MGST1: variants seen among roughly 807,000 people sequenced by gnomAD.
The protein encoded by MGST1 is microsomal glutathione S-transferase 1.
MGST1 carries 5 observed loss-of-function variants against 8.9 expected under a neutral mutation model. The ratio of observed to expected loss-of-function variants is 0.56; its 90% CI spans 0.29 to 1.19. The LOEUF (loss-of-function observed/expected upper bound fraction) is 1.19. MGST1 is among the 50% of genes most tolerant of loss of function. The pLI, the probability that MGST1 is intolerant of heterozygous loss-of-function variation, is 0.08. For missense variants in MGST1, 182 were observed against 187.4 expected, an observed-to-expected ratio of 0.97 and a Z score of 0.17; for synonymous variants, 54 against 67.8, an observed-to-expected ratio of 0.80 and a Z score of 1.00.
intron 4 of MGST1, among the ~76,000 whole-genome samples, chr12:16,536,759 G>A (rs1941759047): frequency 6.6e-6 from 1 of 152,150 alleles, no homozygotes; most frequent in South Asian, 2.1e-4. Flanking sequence ...CAAATCTCAT[G>A]AGACCTACTC....
Position 16,497,518 on chromosome 12 carries a change from A to G in MGST1, n.483-92010A>G, listed in dbSNP as rs574658194. 2.0e-5 allele frequency among the ~76,000 whole-genome samples: 3 copies of G among 152,324 alleles called. No homozygotes were observed. The highest frequency in any genetic ancestry group is 7.2e-5 in the African/African-American group (3 of 41,590). On this transcript the variant is annotated intron_variant and non_coding_transcript_variant, in intron 4 of 4. Transcript: ENST00000538857. This position sits in a 1 kb window ranked among gnomAD's most constrained non-coding sequence, Gnocchi z 4.4. ...AGTTTGGTGAGAAAAGAATCTCTTC[A>G]GTTATGTGTAAACAGATATTTCAAT... is the stretch of plus-strand genomic sequence containing the variant.
At chr12:16,498,653 C>A (rs1193031926) in intron 4 of MGST1, among the ~76,000 whole-genome samples, 1 of 152,142 alleles carries the variant, frequency 6.6e-6, no homozygotes, top group Non-Finnish European at 1.5e-5. Flanking sequence ...ATAGGCTGAG[C>A]CCTTGAAGAA....
intron 4 of MGST1, among the ~76,000 whole-genome samples, chr12:16,568,153 G>A (rs964846153): frequency 1.3e-5 from 2 of 152,144 alleles, no homozygotes; most frequent in African/African-American, 4.8e-5. Context: ...GGTATTGTAT[G>A]TTAATGGAAA....
chr12:16,382,010 G>A (rs1940457495), downstream of MGST1, among the ~76,000 whole-genome samples: 2 of 152,134 alleles, frequency 1.3e-5, no homozygotes, highest in South Asian at 2.1e-4. Context: ...GTACTTCTCT[G>A]CATTGGTTAT....
At chr12:16,431,265 CT>C (rs1331762442) in intron 1 of MGST1, among the ~76,000 whole-genome samples, 1 of 152,138 alleles carries the variant, frequency 6.6e-6, no homozygotes, top group Non-Finnish European at 1.5e-5. Flanking sequence ...AGCAATTAGG[CT>C]GTTTGGCTTT....
intron 4 of MGST1, among the ~76,000 whole-genome samples, chr12:16,465,033 G>A (rs756491067): frequency 6.6e-6 from 1 of 152,134 alleles, no homozygotes; most frequent in Non-Finnish European, 1.5e-5. Context: ...TACCAACACT[G>A]CCTCTGAGAA....
At chr12:16,436,557 GA>G (rs141363129) in intron 1 of MGST1, among the ~76,000 whole-genome samples, 17 of 147,750 alleles carry the variant, frequency 1.2e-4, no homozygotes, top group East Asian at 4.0e-4. Context: ...AAACAGGAAA[GA>G]AAAAAAAACA....
chr12:16,352,300 A>C (rs531467822), intron 1 of MGST1, among the ~76,000 whole-genome samples: 1 of 152,352 alleles, frequency 6.6e-6, no homozygotes, highest in African/African-American at 2.4e-5. Context: ...TATATGACCA[A>C]TAAAGATACA....
rs538531993 is a variant in MGST1, at chr12:16,529,174, TTC to T, written n.483-60347_483-60346del. Among the ~76,000 whole-genome samples the T allele has an allele frequency of 3.0e-4, 46 of 152,166 alleles. 1 individual carries two copies. In the South Asian group the frequency reaches 9.5e-3, roughly 32 times the overall value. On this transcript the variant is annotated intron_variant and non_coding_transcript_variant, in intron 4 of 4. Coordinates refer to the MGST1 transcript ENST00000538857. Reference sequence around the variant, plus strand: ...TTCCTTTCTTAGTTTTTCATTTTGTTTCTCTCTCGCTCACTCTTTCATTCTTG... The same window carrying T: ...TTCCTTTCTTAGTTTTTCATTTTGTTTCTCTCGCTCACTCTTTCATTCTTG...
In MGST1 at chr12:16,376,174, C is replaced by T. The variant is rs537502355; in HGVS notation, c.*10C>T. The T allele has an allele frequency of 1.0e-5, 11 of 1,063,296 alleles. 1 individual carries two copies. The highest frequency in any genetic ancestry group is 4.8e-5 in the African/African-American group (3 of 63,100). 65.9% of individuals were successfully genotyped at this position (1,063,296 alleles called of 1,614,324 possible). Reference sequence around the variant, plus strand: ...TGCCTCTTCTATATAAAGTTTAACTCGGCATAACCAATTGCTGATGAAGAA... The same window carrying T: ...TGCCTCTTCTATATAAAGTTTAACTTGGCATAACCAATTGCTGATGAAGAA... On this transcript the variant is annotated 3_prime_UTR_variant, in exon 4 of 4. Coordinates refer to the MGST1 transcript ENST00000535309.
chr12:16,441,279 T>G (rs1941036782), downstream of MGST1, among the ~76,000 whole-genome samples: 1 of 151,820 alleles, frequency 6.6e-6, no homozygotes, highest in South Asian at 2.1e-4. Context: ...TCCTCTGCTA[T>G]CAACATCCTA....
At chr12:16,427,690 T>A (rs925062907) in intron 1 of MGST1, among the ~76,000 whole-genome samples, 2 of 152,216 alleles carry the variant, frequency 1.3e-5, no homozygotes, top group African/African-American at 4.8e-5. Context: ...CCTACATTTT[T>A]TCTTTTCCAT....
intron 4 of MGST1, among the ~76,000 whole-genome samples, chr12:16,580,335 G>A (rs1349190559): frequency 6.6e-6 from 1 of 152,158 alleles, no homozygotes; most frequent in African/African-American, 2.4e-5. Context: ...GAAGGATCAA[G>A]AGCAAAGACA....
chr12:16,444,336 G>C (rs1489439695), intron 4 of MGST1, among the ~76,000 whole-genome samples: 1 of 151,602 alleles, frequency 6.6e-6, no homozygotes, highest in Non-Finnish European at 1.5e-5. Context: ...CTTTGTCTCT[G>C]ATCTTCCAAT....
intron 4 of MGST1, among the ~76,000 whole-genome samples, chr12:16,520,552 T>TG (rs1261816086): frequency 6.6e-6 from 1 of 151,880 alleles, no homozygotes; most frequent in Admixed American, 6.6e-5. Flanking sequence ...AGAGTAAGAA[T>TG]GGGGAAGATG....
At chr12:16,569,784 T>C (rs1019566984) in intron 4 of MGST1, among the ~76,000 whole-genome samples, 3 of 152,002 alleles carry the variant, frequency 2.0e-5, no homozygotes, top group Non-Finnish European at 2.9e-5. Flanking sequence ...GACATAGTTA[T>C]GGAAAGAACT....
chr12:16,566,505 A>G (rs1942615721), intron 4 of MGST1, among the ~76,000 whole-genome samples: 1 of 152,176 alleles, frequency 6.6e-6, no homozygotes, highest in African/African-American at 2.4e-5. Context: ...GCATTGAAAC[A>G]TCAGACTGTA....
At chr12:16,391,326 C>T (rs1185164089) in intron 1 of MGST1, among the ~76,000 whole-genome samples, 3 of 151,408 alleles carry the variant, frequency 2.0e-5, no homozygotes, top group Non-Finnish European at 2.9e-5. Flanking sequence ...TTCCCCCCAC[C>T]CCCCGACAGG....
chr12:16,512,286 T>A (rs1941582158), intron 4 of MGST1, among the ~76,000 whole-genome samples: 2 of 152,010 alleles, frequency 1.3e-5, no homozygotes, highest in African/African-American at 2.4e-5. Flanking sequence ...GTAAAAAAAA[T>A]TCCAATAAAC....
Sources: gnomAD v4.1 joint callset for allele counts (sites outside exome capture counted in the v4.1 genomes callset) on GRCh38, gnomAD v4.1.1 for gene constraint, Gnocchi (gnomAD v3.1) non-coding constraint, MANE v1.5 for transcripts, NCBI Gene and HGNC (gene_info 2026-07-23, HGNC 2026-07-21) for gene names.